EXOC3: variants seen among roughly 807,000 people sequenced by gnomAD.
EXOC3 encodes exocyst complex component 3, also known as SEC6-like 1.
A neutral mutation model predicts 73.7 loss-of-function variants in EXOC3; 21 were observed. That is an observed-to-expected ratio of 0.29 (90% CI 0.20 to 0.41). The LOEUF (loss-of-function observed/expected upper bound fraction) is 0.41. Ranked by LOEUF, EXOC3 falls within the 10% of genes least tolerant of loss-of-function variation. EXOC3 has a pLI of 1.00. For missense variants in EXOC3, 842 were observed against 985.1 expected (o/e 0.85, Z 1.95); for synonymous variants, 410 against 389.1 (o/e 1.05, Z -0.63).
At chr5:454,868 A>C (rs1231340347) in intron 4 of EXOC3, among the ~76,000 whole-genome samples, 1 of 110,792 alleles carries the variant, frequency 9.0e-6, no homozygotes, top group East Asian at 2.5e-4. Flanking sequence ...AATAAACCTC[A>C]TTTTTTTTTT....
chr5:467,074 G>A lies in EXOC3; in HGVS notation c.*176G>A, dbSNP rs986381295. On this transcript the variant is annotated 3_prime_UTR_variant, in exon 13 of 13. Coordinates refer to ENST00000512944, the MANE Select transcript of EXOC3 (RefSeq NM_007277.5). Reference sequence around the variant, plus strand: ...GAGTGAGCGTCCCGAGGCCACGTGCGGAGGCCCCTCACTGTGCTGTCAAAG... The same window carrying A: ...GAGTGAGCGTCCCGAGGCCACGTGCAGAGGCCCCTCACTGTGCTGTCAAAG... The A allele has an allele frequency of 9.4e-6, 6 of 639,808 alleles. No individual in the cohort carries two copies. Among genetic ancestry groups the A allele is most frequent in the Non-Finnish European group, 1.3e-5 (5 of 373,044 alleles). The allele number at this position is 639,808 out of a possible 1,614,324, so 39.6% of individuals were successfully genotyped here.
chr5:456,004 G>GT (rs1737799001), intron 4 of EXOC3, among the ~76,000 whole-genome samples: 1 of 152,202 alleles, frequency 6.6e-6, no homozygotes, highest in African/African-American at 2.4e-5. Context: ...TTGCGGATGC[G>GT]TTTTTATCAG....
At chr5:460,374 A>G (rs1327836844) in intron 7 of EXOC3, among the ~76,000 whole-genome samples, 2 of 152,136 alleles carry the variant, frequency 1.3e-5, no homozygotes, top group Non-Finnish European at 2.9e-5. Flanking sequence ...GCAGGCTTGG[A>G]TCCCACTTAT....
chr5:449,171 G>A (rs1454345990), intron 3 of EXOC3, among the ~76,000 whole-genome samples: 1 of 152,200 alleles, frequency 6.6e-6, no homozygotes, highest in Non-Finnish European at 1.5e-5. Context: ...TGGTATGCAT[G>A]TTTTTTGTTA....
intron 10 of EXOC3, 50 bp downstream of exon 10, chr5:464,462 C>G: frequency 1.9e-6 from 3 of 1,593,674 alleles, no homozygotes; most frequent in Non-Finnish European, 2.6e-6. Flanking sequence ...TAGGGCTCAC[C>G]TCTCACCCTG....
chr5:465,990 C>A (rs963447148), intron 12 of EXOC3, 145 bp downstream of exon 12: 2 of 895,174 alleles, frequency 2.2e-6, no homozygotes, highest in East Asian at 2.7e-5. Context: ...ACAGCGGGGC[C>A]CAGGCGCAGG....
chr5:447,746 T>C lies in EXOC3; in HGVS notation c.358T>C (p.Phe120Leu). The C allele has an allele frequency of 6.4e-7, 1 of 1,558,406 alleles. No individual in the cohort carries two copies. The highest frequency in any genetic ancestry group is 8.7e-7 in the Non-Finnish European group (1 of 1,148,784). ...AAAVENLKNI[F>L]SVPEIVRETQ... ...AGCCGTGGAGAACCTCAAGAACATC[T>C]TCTCAGGTACCAGCCAGACGCCGAG... is the stretch of plus-strand genomic sequence containing the variant. The change falls in exon 3 of 13, where the codon TTC becomes CTC. Residue 120 changes from phenylalanine to leucine, a missense_variant. By Grantham distance (22) the Phe-to-Leu change is conservative. Coordinates refer to ENST00000512944, the MANE Select transcript of EXOC3 (RefSeq NM_007277.5).
At position 457,887 on chromosome 5, in the gene EXOC3, G is replaced by T; in HGVS notation, c.1165-13G>T. The T allele has an allele frequency of 1.3e-6, 2 of 1,598,924 alleles. No homozygotes were observed. The highest frequency in any genetic ancestry group is 2.3e-5 in the South Asian group (2 of 88,760). On this transcript the variant is annotated splice_polypyrimidine_tract_variant and intron_variant, in intron 5 of 12. Coordinates refer to ENST00000512944, the MANE Select transcript of EXOC3 (RefSeq NM_007277.5). ...TCTCTCTTCTCTTCTCCATGATGCTGAACTTTCTTTAGTCAAACATCATCG... is the reference window on the plus strand; with the variant it reads ...TCTCTCTTCTCTTCTCCATGATGCTTAACTTTCTTTAGTCAAACATCATCG...
chr5:454,130 G>A (rs1737735782), intron 4 of EXOC3, 79 bp downstream of exon 4: 1 of 1,234,996 alleles, frequency 8.1e-7, no homozygotes, highest in Non-Finnish European at 1.1e-6. Context: ...TTGCTGGAGA[G>A]CCGACCTCAG....
At chr5:453,014 A>G (rs768268445) in intron 3 of EXOC3, among the ~76,000 whole-genome samples, 3 of 152,138 alleles carry the variant, frequency 2.0e-5, no homozygotes, top group Non-Finnish European at 4.4e-5. Flanking sequence ...CTGAGTACAG[A>G]TCTCCGGTGT....
At chr5:449,728 G>T (rs534939991) in intron 3 of EXOC3, among the ~76,000 whole-genome samples, 1 of 152,186 alleles carries the variant, frequency 6.6e-6, no homozygotes, top group African/African-American at 2.4e-5. Context: ...CCACGTTTTA[G>T]CTATTGTGAA....
chr5:446,124 T>A, intron 1 of EXOC3, 26 bp from the exon 2 acceptor site: 1 of 1,551,404 alleles, frequency 6.4e-7, no homozygotes, highest in Non-Finnish European at 8.9e-7. Context: ...TACCTAACAT[T>A]TCTACCGTCC....
At chr5:446,059 A>G (rs1737496196) in intron 1 of EXOC3, 91 bp from the exon 2 acceptor site, 2 of 842,776 alleles carry the variant, frequency 2.4e-6, no homozygotes, top group South Asian at 1.6e-5. Context: ...TAATGATCTC[A>G]GAGGCTCTGC....
At chr5:452,131 T>G (rs946203772) in intron 3 of EXOC3, among the ~76,000 whole-genome samples, 3 of 152,178 alleles carry the variant, frequency 2.0e-5, no homozygotes, top group Non-Finnish European at 2.9e-5. Context: ...TGCCCATTTC[T>G]CTCTTCTCCT....
chr5:452,456 C>G (rs1036400368), intron 3 of EXOC3, among the ~76,000 whole-genome samples: 5 of 135,914 alleles, frequency 3.7e-5, no homozygotes, highest in African/African-American at 1.4e-4. Flanking sequence ...CTTTAAGTTC[C>G]TTAGGCATCT....
At chr5:452,323 T>C (rs527270601) in intron 3 of EXOC3, among the ~76,000 whole-genome samples, 8 of 152,234 alleles carry the variant, frequency 5.3e-5, no homozygotes, top group Non-Finnish European at 1.2e-4. Flanking sequence ...TTGAATCCCT[T>C]TAGTGAATTT....
chr5:457,790 CCT>C (rs755675283), intron 5 of EXOC3, 108 bp from the exon 6 acceptor site: 21 of 1,207,668 alleles, frequency 1.7e-5, no homozygotes, highest in Non-Finnish European at 2.4e-5. Flanking sequence ...ACGCTGGTGC[CCT>C]GTGTCTGGTT....
chr5:448,928 T>G (rs1399172609), intron 3 of EXOC3, among the ~76,000 whole-genome samples: 1 of 152,242 alleles, frequency 6.6e-6, no homozygotes. Flanking sequence ...GCAGCTCTTC[T>G]TGGTGACTGT....
At chr5:456,134 C>T (rs1366042408) in intron 4 of EXOC3, among the ~76,000 whole-genome samples, 2 of 152,118 alleles carry the variant, frequency 1.3e-5, no homozygotes, top group Admixed American at 6.5e-5. Flanking sequence ...GGGAGGGATT[C>T]CAGGACCCCC....
Sources: allele counts gnomAD v4.1 joint callset (sites outside exome capture counted in the v4.1 genomes callset), GRCh38; gene constraint gnomAD v4.1.1; transcripts MANE v1.5; gene names NCBI Gene and HGNC (gene_info 2026-07-23, HGNC 2026-07-21).